Variants in PTPRD observed in about 807,000 individuals in gnomAD.
PTPRD encodes the protein receptor-type tyrosine-protein phosphatase delta.
Under a neutral mutation model 214.5 loss-of-function variants are expected in PTPRD, and 34 were observed. The observed-to-expected ratio is 0.16, with a 90% CI of 0.12 to 0.21. PTPRD has a LOEUF of 0.21. Ranked by LOEUF, PTPRD falls within the 10% of genes least tolerant of loss-of-function variation. PTPRD has a pLI of 1.00. For synonymous variants in PTPRD, 1,128 were observed against 845.7 expected (o/e 1.33, Z -5.79); for missense variants, 2,545 against 2,398.7 (o/e 1.06, Z -1.27).
At chr9:9,704,913 C>G (rs1266904891) in intron 7 of PTPRD, among the ~76,000 whole-genome samples, 1 of 152,172 alleles carries the variant, frequency 6.6e-6, no homozygotes, top group African/African-American at 2.4e-5. Flanking sequence ...CAACTGAGGC[C>G]TGTCCAAAAT....
At chr9:10,587,526 C>T (rs1356740515) in intron 2 of PTPRD, among the ~76,000 whole-genome samples, 1 of 151,852 alleles carries the variant, frequency 6.6e-6, no homozygotes, top group Non-Finnish European at 1.5e-5. Context: ...AAGGGAGATG[C>T]TAATATTTAA....
chr9:10,277,497 T>C (rs73400352), intron 3 of PTPRD, among the ~76,000 whole-genome samples: 13,299 of 152,264 alleles, frequency 0.087, 941 homozygotes, highest in African/African-American at 0.19. Context: ...CATTTGTAGA[T>C]GGGAATAATC....
chr9:8,330,092 G>A (rs1838439096), intron 44 of PTPRD, among the ~76,000 whole-genome samples: 1 of 152,066 alleles, frequency 6.6e-6, no homozygotes, highest in South Asian at 2.1e-4. Flanking sequence ...TGTTCCTCGT[G>A]GTACAGTCTC....
At chr9:8,526,920 T>G (rs1318088371) in intron 16 of PTPRD, among the ~76,000 whole-genome samples, 1 of 151,922 alleles carries the variant, frequency 6.6e-6, no homozygotes, top group Non-Finnish European at 1.5e-5. Context: ...TCTGGGGTCA[T>G]ATAGGGTTAG....
intron 5 of PTPRD, among the ~76,000 whole-genome samples, chr9:9,885,054 T>G (rs2070328315): frequency 6.6e-6 from 1 of 152,090 alleles, no homozygotes; most frequent in Non-Finnish European, 1.5e-5. Flanking sequence ...GCAGAAAGGC[T>G]AGTAAAACTG....
chr9:8,322,914 C>T (rs1267300993), intron 44 of PTPRD, among the ~76,000 whole-genome samples: 1 of 152,056 alleles, frequency 6.6e-6, no homozygotes, highest in Non-Finnish European at 1.5e-5. Context: ...AGCTCATTTA[C>T]CATTTGAAAA....
In PTPRD at chr9:9,239,777, T is replaced by C. The variant is rs189131271; in HGVS notation, c.-202-56414A>G. Among the ~76,000 whole-genome samples the C allele has an allele frequency of 3.3e-4, 51 of 152,300 alleles. No individual in the cohort carries two copies. The South Asian group carries it at 6.2e-3, about 19-fold the overall frequency. On this transcript the variant is annotated intron_variant, in intron 9 of 45. Coordinates refer to ENST00000381196, the MANE Select transcript of PTPRD (RefSeq NM_002839.4). ...CTGTCCTCCCTGGCCCAGTTGTGACTCCTGGTGATCCAGGCATTATCTTCA... is the reference window on the plus strand; with the variant it reads ...CTGTCCTCCCTGGCCCAGTTGTGACCCCTGGTGATCCAGGCATTATCTTCA...
chr9:8,885,886 C>T (rs1462583569), intron 11 of PTPRD, among the ~76,000 whole-genome samples: 2 of 152,222 alleles, frequency 1.3e-5, no homozygotes, highest in East Asian at 3.9e-4. Context: ...ATTTCTAGAG[C>T]CAAATTATTT....
intron 8 of PTPRD, among the ~76,000 whole-genome samples, chr9:9,515,802 C>G (rs1383877946): frequency 1.3e-5 from 2 of 151,692 alleles, no homozygotes; most frequent in Non-Finnish European, 2.9e-5. Context: ...TGACTTTTTT[C>G]CTTTCTGTAG....
intron 42 of PTPRD, among the ~76,000 whole-genome samples, chr9:8,339,361 C>T (rs1047513512): frequency 1.3e-5 from 2 of 152,194 alleles, no homozygotes; most frequent in African/African-American, 4.8e-5. Flanking sequence ...TACAAGTTAT[C>T]CAAATAATTA....
chr9:8,649,920 A>T (rs2096771774), intron 12 of PTPRD, among the ~76,000 whole-genome samples: 4 of 151,802 alleles, frequency 2.6e-5, no homozygotes, highest in Admixed American at 2.6e-4. Flanking sequence ...TTAATGTTTT[A>T]ATTTGTTTTT....
chr9:10,459,745 T>C (rs2098944871), intron 2 of PTPRD, among the ~76,000 whole-genome samples: 2 of 152,140 alleles, frequency 1.3e-5, no homozygotes, highest in South Asian at 4.1e-4. Context: ...CACTTTTTGA[T>C]GGGATTGTTT....
chr9:10,354,891 A>G (rs2097248826), intron 2 of PTPRD, among the ~76,000 whole-genome samples: 1 of 152,180 alleles, frequency 6.6e-6, no homozygotes, highest in Non-Finnish European at 1.5e-5. Flanking sequence ...GCATGTGCTC[A>G]TGGTACTTTC....
At chr9:9,819,803 A>G (rs1185289661) in intron 5 of PTPRD, among the ~76,000 whole-genome samples, 11 of 152,168 alleles carry the variant, frequency 7.2e-5, no homozygotes, top group South Asian at 6.2e-4. Context: ...CAGCACAGCC[A>G]TGTTGCTGCA....
At chr9:9,001,476 G>C (rs2099418098) in intron 11 of PTPRD, among the ~76,000 whole-genome samples, 1 of 151,938 alleles carries the variant, frequency 6.6e-6, no homozygotes, top group Admixed American at 6.6e-5. Flanking sequence ...CTTGCTTCAG[G>C]TAAACACCTT....
chr9:9,769,380 C>T (rs1041478908), intron 5 of PTPRD, among the ~76,000 whole-genome samples: 1 of 115,618 alleles, frequency 8.6e-6, no homozygotes, highest in Non-Finnish European at 1.6e-5. Context: ...GGCTGGAGTG[C>T]AGTGGTGCAA....
At chr9:8,437,172 CTT>C in intron 34 of PTPRD, 2 of 1,492,436 alleles carry the variant, frequency 1.3e-6, no homozygotes, top group South Asian at 2.5e-5. Flanking sequence ...CATAAAATGA[CTT>C]ATGCATAATC....
At chr9:9,962,780 T>C (rs975486570) in intron 4 of PTPRD, among the ~76,000 whole-genome samples, 3 of 152,130 alleles carry the variant, frequency 2.0e-5, no homozygotes, top group Non-Finnish European at 2.9e-5. Context: ...TTCATATTTA[T>C]ACATCTGACT....
intron 14 of PTPRD, among the ~76,000 whole-genome samples, chr9:8,529,264 C>T (rs2075054597): frequency 6.6e-6 from 1 of 152,134 alleles, no homozygotes; most frequent in African/African-American, 2.4e-5. Flanking sequence ...TTGGAGAGTA[C>T]TTGGGGAACA....
Sources: gnomAD v4.1 joint callset for allele counts (sites outside exome capture counted in the v4.1 genomes callset) on GRCh38, gnomAD v4.1.1 for gene constraint, MANE v1.5 for transcripts, NCBI Gene and HGNC (gene_info 2026-07-23, HGNC 2026-07-21) for gene names.